The following LRRC42 variants were observed in gnomAD, a reference collection of about 807,000 sequenced individuals.
LRRC42 encodes leucine rich repeat containing 42, also known as leucine-rich repeat-containing protein 42.
Under a neutral mutation model 44.3 loss-of-function variants are expected in LRRC42, and 43 were observed. That is an observed-to-expected ratio of 0.97 (90% confidence interval 0.76 to 1.25). The LOEUF (loss-of-function observed/expected upper bound fraction) is 1.25, where lower values mean the gene tolerates loss of function less well. LRRC42 is among the 50% of genes most tolerant of loss of function. The pLI is 0.00. For missense variants in LRRC42, 540 were observed against 509.1 expected, an observed-to-expected ratio of 1.06 and a Z score of -0.58; for synonymous variants, 207 against 195.2, an observed-to-expected ratio of 1.06 and a Z score of -0.50.
intron 3 of LRRC42, among the ~76,000 whole-genome samples, chr1:53,953,295 A>G (rs1654743832): frequency 1.3e-5 from 2 of 152,244 alleles, no homozygotes; most frequent in Non-Finnish European, 2.9e-5. Flanking sequence ...CATGCTGCAT[A>G]CACTCTTATG....
At chr1:53,950,153 G>T (rs1427078527) in intron 2 of LRRC42, among the ~76,000 whole-genome samples, 1 of 152,200 alleles carries the variant, frequency 6.6e-6, no homozygotes, top group Non-Finnish European at 1.5e-5. Context: ...GCACGTACTG[G>T]TGCAGGGGTT....
Position 53,952,188 on chromosome 1 carries a change from T to C in LRRC42, c.189T>C (p.Thr63=). 1.2e-6 allele frequency: 2 copies of C among 1,614,120 alleles called. No individual in the cohort carries two copies. The highest frequency in any genetic ancestry group is 1.7e-6 in the Non-Finnish European group (2 of 1,179,954). The change falls in exon 3 of 9, where the codon ACT becomes ACC. Residue 63 remains threonine (T), a synonymous_variant. Coordinates refer to ENST00000371370, the MANE Select transcript of LRRC42 (RefSeq NM_001256409.2). ...TTTGCATGAACAGGGAAGACGACAC[T>C]GCACGGAAAGAGAAGACTGATCATT... ...VELCMNREDD[T]ARKEKTDHFI...
At chr1:53,950,111 G>GA (rs1451016786) in intron 2 of LRRC42, among the ~76,000 whole-genome samples, 1 of 152,236 alleles carries the variant, frequency 6.6e-6, no homozygotes, top group Non-Finnish European at 1.5e-5. Context: ...TGCTATGTAG[G>GA]AGAGACTGGG....
intron 2 of LRRC42, among the ~76,000 whole-genome samples, chr1:53,950,391 CAT>C (rs918783549): frequency 2.2e-4 from 34 of 152,334 alleles, no homozygotes; most frequent in African/African-American, 7.9e-4. Context: ...ACTCTTCTCT[CAT>C]GTGCTTTTAT....
chr1:53,965,726 C>T (rs569480942), intron 7 of LRRC42, among the ~76,000 whole-genome samples: 26 of 152,226 alleles, frequency 1.7e-4, no homozygotes, highest in East Asian at 1.2e-3. Context: ...CCGCCCGCCT[C>T]GGCCTCCCAA....
At chr1:53,961,887 C>G (rs769028240) in intron 5 of LRRC42, 147 bp from the exon 6 acceptor site, 20 of 618,114 alleles carry the variant, frequency 3.2e-5, no homozygotes, top group Admixed American at 6.2e-5. Flanking sequence ...AAGATCAGAC[C>G]TCTGTATTTA....
chr1:53,947,278 G>C (rs983963219), intron 1 of LRRC42, among the ~76,000 whole-genome samples: 5 of 152,060 alleles, frequency 3.3e-5, no homozygotes, highest in African/African-American at 1.2e-4. Flanking sequence ...GAAGGGAGTG[G>C]GGTTAGGATT....
At chr1:53,957,902 A>G (rs1485638935) in intron 3 of LRRC42, among the ~76,000 whole-genome samples, 4 of 152,172 alleles carry the variant, frequency 2.6e-5, no homozygotes, top group African/African-American at 4.8e-5. Context: ...CTTTGCTAAT[A>G]TACATTTATT....
chr1:53,967,348 A>C (rs1655154130), intron 8 of LRRC42, among the ~76,000 whole-genome samples: 1 of 152,202 alleles, frequency 6.6e-6, no homozygotes, highest in Non-Finnish European at 1.5e-5. Context: ...ATGTATCTTC[A>C]TATCACCCTT....
At chr1:53,950,498 G>A (rs1654646103) in intron 2 of LRRC42, among the ~76,000 whole-genome samples, 1 of 152,214 alleles carries the variant, frequency 6.6e-6, no homozygotes, top group Non-Finnish European at 1.5e-5. Flanking sequence ...TTTGATCACG[G>A]ACCTAATTGT....
At chr1:53,949,453 G>A (rs978534960) in intron 2 of LRRC42, among the ~76,000 whole-genome samples, 3 of 152,110 alleles carry the variant, frequency 2.0e-5, no homozygotes, top group African/African-American at 7.2e-5. Flanking sequence ...TTAAAATCAC[G>A]TCAGTCCTTT....
At chr1:53,949,971 G>T (rs1265869614) in intron 2 of LRRC42, among the ~76,000 whole-genome samples, 1 of 152,202 alleles carries the variant, frequency 6.6e-6, no homozygotes, top group East Asian at 1.9e-4. Flanking sequence ...TATCTTTTGA[G>T]GGCTTACTTA....
Position 53,952,445 on chromosome 1 carries a change from T to G in LRRC42, c.446T>G (p.Val149Gly), listed in dbSNP as rs1173352313. 4 of 1,599,956 alleles carry G rather than the reference T, an allele frequency of 2.5e-6. No individual in the cohort carries two copies. The highest frequency in any genetic ancestry group is 2.7e-5 in the African/African-American group (2 of 74,558). Residue 149 changes from valine to glycine, a missense_variant, in exon 3 of 9, where the codon GTG becomes GGG. By Grantham distance (109) the Val-to-Gly change is moderately radical. Transcript: ENST00000371370. Reference protein sequence around the residue: ...QKFTEAYGSLVLCSLCLRNRY... With the variant: ...QKFTEAYGSLGLCSLCLRNRY... ...TTCACTGAGGCCTATGGAAGTTTGG[T>G]GCTTTGCTCCCTGTGTTTGCGAAAC...
intron 4 of LRRC42, among the ~76,000 whole-genome samples, chr1:53,960,022 G>A (rs1340397290): frequency 6.6e-6 from 1 of 151,500 alleles, no homozygotes; most frequent in Non-Finnish European, 1.5e-5. Context: ...CTTGGTTGAA[G>A]CCATCTTCCT....
At position 53,958,248 on chromosome 1, in the gene LRRC42, T is replaced by C; in HGVS notation, c.573T>C (p.Leu191=). Residue 191 remains leucine, a synonymous_variant, in exon 4 of 9, where the codon CTT becomes CTC. Coordinates refer to ENST00000371370, the MANE Select transcript of LRRC42 (RefSeq NM_001256409.2). ...GCAAGCTTGGAGATGAGCATGAACT[T>C]CTAGAACATCTCACCAATGAAGCCC... ...SCCKLGDEHE[L]LEHLTNEALS... is the part of the protein sequence containing the mutation. The C allele has an allele frequency of 6.2e-7, 1 of 1,613,834 alleles. No individual in the cohort carries two copies. The highest frequency in any genetic ancestry group is 1.1e-5 in the South Asian group (1 of 91,074).
Position 53,952,165 on chromosome 1 carries a change from T to G in LRRC42, c.166T>G (p.Cys56Gly), listed in dbSNP as rs1654705214. Residue 56 changes from cysteine (C) to glycine (G), a missense_variant, in exon 3 of 9, where the codon TGC becomes GGC. Physicochemically the swap from Cys to Gly is radical, Grantham distance 159. Transcript: ENST00000371370. Reference sequence around the variant, plus strand: ...CCCCAAAGGCTTTTCTGTGGAGCTTTGCATGAACAGGGAAGACGACACTGC... The same window carrying G: ...CCCCAAAGGCTTTTCTGTGGAGCTTGGCATGAACAGGGAAGACGACACTGC... ...LFPKGFSVEL[C>G]MNREDDTARK... The G allele has an allele frequency of 6.2e-7, 1 of 1,614,116 alleles. No individual in the cohort carries two copies. The highest frequency in any genetic ancestry group is 1.3e-5 in the African/African-American group (1 of 74,940).
intron 8 of LRRC42, among the ~76,000 whole-genome samples, chr1:53,967,124 A>G (rs1469622255): frequency 6.6e-6 from 1 of 152,222 alleles, no homozygotes. Flanking sequence ...TCATGATTTT[A>G]AAAGAAAAGG....
At chr1:53,958,625 C>T (rs1274847780) in intron 4 of LRRC42, among the ~76,000 whole-genome samples, 1 of 151,966 alleles carries the variant, frequency 6.6e-6, no homozygotes, top group African/African-American at 2.4e-5. Context: ...TCGTTTTTGC[C>T]ACCCAGGCTG....
Position 53,962,422 on chromosome 1 carries a change from T to G in LRRC42, c.927+13T>G. 1 of 1,543,996 alleles carries G rather than the reference T, an allele frequency of 6.5e-7. No homozygotes were observed. On this transcript the variant is annotated intron_variant, in intron 7 of 8. Transcript: ENST00000371370. ...CTGGGCTGACCAGGTACTCCAGATT[T>G]TTCTTCCTTGCGGTTGATGCAGCTT...
Sources: allele counts gnomAD v4.1 joint callset (sites outside exome capture counted in the v4.1 genomes callset), GRCh38; gene constraint gnomAD v4.1.1; transcripts MANE v1.5; gene names NCBI Gene and HGNC (gene_info 2026-07-23, HGNC 2026-07-21).